The following CSN2 variants were observed in gnomAD, a reference collection of about 807,000 sequenced individuals.
The protein encoded by CSN2 is casein beta.
In CSN2, 27 loss-of-function variants were observed where a neutral mutation model predicts 27.3. The ratio of observed to expected loss-of-function variants is 0.99; its 90% confidence interval spans 0.73 to 1.36. The LOEUF is 1.36. Among genes scored for constraint, CSN2 ranks in the 40% most tolerant of loss-of-function variants. The pLI, the probability that CSN2 is intolerant of heterozygous loss-of-function variation, is 0.00. For synonymous variants in CSN2, 131 were observed against 94.8 expected (o/e 1.38, Z -2.22); for missense variants, 333 against 264.5 (o/e 1.26, Z -1.80).
chr4:69,957,155 AT>A (rs1723423336), intron 6 of CSN2, 118 bp downstream of exon 6: 1 of 1,076,010 alleles, frequency 9.3e-7, no homozygotes, highest in African/African-American at 1.6e-5. Context: ...AAGTATAATA[AT>A]AAAAGAATCA....
In CSN2 at chr4:69,957,366, C is replaced by G. The variant is rs1723432407; in HGVS notation, c.583G>C (p.Ala195Pro). Residue 195 changes from alanine to proline, a missense_variant, in exon 6 of 8, where the codon GCC becomes CCC. Physicochemically the swap from Ala to Pro is conservative, Grantham distance 27 (BLOSUM62 -1). Transcript: ENST00000353151. ...PYPQRAVPVQ[A>P]LLLNQELLLN... Reference sequence around the variant, plus strand: ...AGAAGTTCTTGGTTGAGCAGAAGGGCTTGAACAGGCACAGCTCTCTGAGGG... The same window carrying G: ...AGAAGTTCTTGGTTGAGCAGAAGGGGTTGAACAGGCACAGCTCTCTGAGGG... The G allele has an allele frequency of 6.2e-7, 1 of 1,613,070 alleles. No homozygotes were observed. The highest frequency in any genetic ancestry group is 8.5e-7 in the Non-Finnish European group (1 of 1,179,748).
Position 69,960,532 on chromosome 4 carries a change from C to T in CSN2, c.51+413G>A, listed in dbSNP as rs1723540295. Among the ~76,000 whole-genome samples the T allele has an allele frequency of 4.6e-5, 7 of 151,164 alleles. No homozygotes were observed. The South Asian group carries it at 1.5e-3, about 31-fold the overall frequency. ...ATTATGATTGTCTCTGTACTTCATC[C>T]CATGGATGTCTTTGTACAGACAGAC... On this transcript the variant is annotated intron_variant, in intron 2 of 7. Transcript: ENST00000353151.
rs563503332 is a variant in CSN2, at chr4:69,962,974, C to G, written c.-12-1967G>C. ...AGAAGACATTTATACAGCCAAAAAT[C>G]ACATGAAAAAATGCTCATCATCACT... On this transcript the variant is annotated intron_variant, in intron 1 of 7. Transcript: ENST00000353151. 2.0e-5 allele frequency among the ~76,000 whole-genome samples: 3 copies of G among 152,264 alleles called. No homozygotes were observed. The East Asian group carries it at 5.8e-4, about 29-fold the overall frequency.
At chr4:69,957,844 G>A (rs751676530) in intron 5 of CSN2, 40 bp from the exon 6 acceptor site, 2 of 1,506,384 alleles carry the variant, frequency 1.3e-6, no homozygotes, top group Non-Finnish European at 1.8e-6. Flanking sequence ...CCTTGATTAA[G>A]CTATAATTGC....
intron 1 of CSN2, among the ~76,000 whole-genome samples, chr4:69,965,408 CTATATATATATATATATATATATA>C (rs756206077): frequency 5.7e-4 from 50 of 88,130 alleles, no homozygotes; most frequent in African/African-American, 1.9e-3. Context: ...TAGCCTCATA[CTATATATATATATATATATATATA>C]TATATATATA....
chr4:69,964,757 T>A (rs1462166312), intron 1 of CSN2, among the ~76,000 whole-genome samples: 2 of 149,634 alleles, frequency 1.3e-5, no homozygotes, highest in African/African-American at 4.9e-5. Flanking sequence ...ATTACTAATC[T>A]ACTAATATAT....
chr4:69,955,743 C>T (rs1560396209), intron 7 of CSN2, among the ~76,000 whole-genome samples, 151 bp from the exon 8 acceptor site: 1 of 152,018 alleles, frequency 6.6e-6, no homozygotes, highest in Non-Finnish European at 1.5e-5. Flanking sequence ...AAAGTTTGTT[C>T]ACCAAACTTC....
chr4:69,962,987 G>A (rs1055118114), intron 1 of CSN2, among the ~76,000 whole-genome samples: 2 of 152,182 alleles, frequency 1.3e-5, no homozygotes, highest in African/African-American at 4.8e-5. Context: ...ATGAAAAAAT[G>A]CTCATCATCA....
intron 2 of CSN2, 135 bp downstream of exon 2, chr4:69,960,809 TG>T: frequency 1.4e-6 from 1 of 699,472 alleles, no homozygotes; most frequent in South Asian, 2.3e-5. Flanking sequence ...TAAATGATTT[TG>T]ATAGAAGCCA....
At chr4:69,958,516 T>G (rs538318826) in intron 5 of CSN2, among the ~76,000 whole-genome samples, 1 of 152,116 alleles carries the variant, frequency 6.6e-6, no homozygotes, top group Admixed American at 6.6e-5. Context: ...GTTGTCCATA[T>G]GGGAATAAAG....
intron 3 of CSN2, among the ~76,000 whole-genome samples, chr4:69,959,497 C>T (rs1023302961): frequency 6.6e-6 from 1 of 152,036 alleles, no homozygotes; most frequent in African/African-American, 2.4e-5. Flanking sequence ...TATTGATGTA[C>T]CATTTACTTA....
intron 1 of CSN2, among the ~76,000 whole-genome samples, chr4:69,961,284 A>T (rs1248572530): frequency 1.3e-5 from 2 of 152,102 alleles, no homozygotes; most frequent in African/African-American, 2.4e-5. Context: ...CCCCACTTTT[A>T]AAAAAGTCCC....
chr4:69,956,525 A>C (rs1303569869), intron 6 of CSN2, among the ~76,000 whole-genome samples, 170 bp from the exon 7 acceptor site: 2 of 152,022 alleles, frequency 1.3e-5, no homozygotes, highest in Non-Finnish European at 2.9e-5. Flanking sequence ...TAAATAAATA[A>C]ATAAATAACC....
intron 1 of CSN2, among the ~76,000 whole-genome samples, 185 bp from the exon 2 acceptor site, chr4:69,961,192 A>G (rs1411186657): frequency 6.6e-6 from 1 of 152,122 alleles, no homozygotes; most frequent in Non-Finnish European, 1.5e-5. Context: ...GGAGGTCAAA[A>G]TCCATTCTGG....
chr4:69,960,680 C>T (rs556203121), intron 2 of CSN2, among the ~76,000 whole-genome samples: 1 of 152,064 alleles, frequency 6.6e-6, no homozygotes, highest in East Asian at 1.9e-4. Flanking sequence ...ATTTCGTTGC[C>T]ATTTTTATGA....
At chr4:69,964,073 C>A (rs747876534) in intron 1 of CSN2, among the ~76,000 whole-genome samples, 5 of 152,124 alleles carry the variant, frequency 3.3e-5, no homozygotes, top group Non-Finnish European at 7.4e-5. Context: ...TATCCAGAGA[C>A]TTTATTGGAC....
In CSN2 at chr4:69,959,994, A is replaced by G. The variant is rs917792543; in HGVS notation, c.78+59T>C. On this transcript the variant is annotated intron_variant, in intron 3 of 7. Transcript: ENST00000353151. ...ATTAGCTTAACTGCCATGATGTAAC[A>G]CCATAGAAAAATAGCACAGGATTTT... The G allele has an allele frequency of 1.2e-5, 18 of 1,493,292 alleles. No homozygotes were observed. The African/African-American group carries it at 2.5e-4, about 21-fold the overall frequency. The allele number at this position is 1,493,292 out of a possible 1,614,324, so 92.5% of individuals were successfully genotyped here.
At chr4:69,959,729 G>A (rs1723510729) in intron 3 of CSN2, among the ~76,000 whole-genome samples, 1 of 151,886 alleles carries the variant, frequency 6.6e-6, no homozygotes, top group African/African-American at 2.4e-5. Flanking sequence ...CCTAGTCAAT[G>A]TCTGACCCAT....
intron 2 of CSN2, 140 bp from the exon 3 acceptor site, chr4:69,960,219 T>C: frequency 1.4e-6 from 1 of 731,014 alleles, no homozygotes; most frequent in South Asian, 1.9e-5. Flanking sequence ...GAAAAGATGT[T>C]TAAAAATTCA....
Sources: gnomAD v4.1 joint callset for allele counts (sites outside exome capture counted in the v4.1 genomes callset) on GRCh38, gnomAD v4.1.1 for gene constraint, MANE v1.5 for transcripts, NCBI Gene and HGNC (gene_info 2026-07-23, HGNC 2026-07-21) for gene names.